The following WDR93 variants were observed in gnomAD, a reference collection of about 807,000 sequenced individuals.
WDR93 encodes the protein WD repeat domain 93, also known as WD repeat-containing protein 93.
Under a neutral mutation model 82.9 loss-of-function variants are expected in WDR93, and 73 were observed. The observed-to-expected ratio is 0.88, with a 90% CI of 0.73 to 1.07. WDR93 has a LOEUF of 1.07. Ranked by LOEUF, WDR93 falls within the 50% of genes least tolerant of loss-of-function variation. WDR93 has a pLI of 0.00. For missense variants in WDR93, 738 were observed against 826.0 expected (o/e 0.89, Z 1.31); for synonymous variants, 283 against 300.1 (o/e 0.94, Z 0.59).
At chr15:89,691,410 G>A (rs941693550) in intron 1 of WDR93, among the ~76,000 whole-genome samples, 2 of 152,178 alleles carry the variant, frequency 1.3e-5, no homozygotes, top group Non-Finnish European at 2.9e-5. Flanking sequence ...TTTATAAAAT[G>A]TACCCTCTAT....
In WDR93 at chr15:89,722,174, T is replaced by G. The variant is rs749201377; in HGVS notation, c.880+35T>G. ...ATTCAAATCTCTCTCCTTTTGCCAT[T>G]GATTTATCTGTTCTTTCTTCCTTTC... On this transcript the variant is annotated intron_variant, in intron 8 of 16. Transcript: ENST00000268130. 14 of 1,412,024 alleles carry G rather than the reference T, an allele frequency of 9.9e-6. No individual in the cohort carries two copies. The Admixed American group carries it at 1.1e-4, about 11-fold the overall frequency. 87.5% of individuals were successfully genotyped at this position (1,412,024 alleles called of 1,614,324 possible).
intron 1 of WDR93, among the ~76,000 whole-genome samples, chr15:89,697,909 T>G (rs1430569802): frequency 6.7e-6 from 1 of 148,970 alleles, no homozygotes; most frequent in Non-Finnish European, 1.5e-5. Context: ...AGACGGAGTC[T>G]CTCTCTGTCG....
intron 12 of WDR93, 43 bp from the exon 13 acceptor site, chr15:89,732,963 C>G (rs771502928): frequency 6.3e-7 from 1 of 1,597,478 alleles, no homozygotes. Context: ...GGCCTCCTCC[C>G]CTACCCCGTT....
At chr15:89,698,802 A>C (rs936719574) in intron 1 of WDR93, among the ~76,000 whole-genome samples, 1 of 152,172 alleles carries the variant, frequency 6.6e-6, no homozygotes, top group Non-Finnish European at 1.5e-5. Context: ...TTAAATAATA[A>C]GAAAAATATT....
intron 16 of WDR93, 49 bp downstream of exon 16, chr15:89,738,285 G>A: frequency 6.6e-7 from 1 of 1,514,130 alleles, no homozygotes; most frequent in African/African-American, 1.4e-5. Flanking sequence ...GGTTGTCTCT[G>A]GATTGAGGGA....
rs917492232 is a variant in WDR93 at position 89,720,506 on chromosome 15, C to T, written c.796-1549C>T. Among the ~76,000 whole-genome samples the T allele has an allele frequency of 2.6e-5, 4 of 152,038 alleles. No individual in the cohort carries two copies. In the East Asian group the frequency reaches 7.7e-4, roughly 29 times the overall value. On this transcript the variant is annotated intron_variant, in intron 7 of 16. Transcript: ENST00000268130. ...CAGGCTGGTCTTGAACTCCTGACCTCGTGATTCGCCCGCCTCGACCTCCCA... is the reference window on the plus strand; with the variant it reads ...CAGGCTGGTCTTGAACTCCTGACCTTGTGATTCGCCCGCCTCGACCTCCCA...
chr15:89,735,502 C>T lies in WDR93; in HGVS notation c.1557C>T (p.His519=). The change falls in exon 14 of 17, where the codon CAC becomes CAT. Residue 519 remains histidine, a synonymous_variant. Coordinates refer to ENST00000268130, the MANE Select transcript of WDR93 (RefSeq NM_020212.2). ...TTCTGTCCTATAGGCCTGTAAAGCA[C>T]CTGGATAAAACCATCTGTGCCGTGG... ...ISVLVERPVK[H]LDKTICAVAP... is the part of the protein sequence containing the mutation. 1 of 1,614,152 alleles carries T rather than the reference C, an allele frequency of 6.2e-7. No individual in the cohort carries two copies. The highest frequency in any genetic ancestry group is 8.5e-7 in the Non-Finnish European group (1 of 1,180,024).
At chr15:89,742,317 T>C (rs569718454) in intron 16 of WDR93, among the ~76,000 whole-genome samples, 1 of 152,136 alleles carries the variant, frequency 6.6e-6, no homozygotes, top group South Asian at 2.1e-4. Context: ...AAAGCTATGG[T>C]CATTGTCTTT....
chr15:89,720,724 T>C (rs537892047), intron 7 of WDR93, among the ~76,000 whole-genome samples: 1 of 152,332 alleles, frequency 6.6e-6, no homozygotes, highest in Non-Finnish European at 1.5e-5. Flanking sequence ...ATTTTAAGTT[T>C]ATTTAGATTT....
chr15:89,723,199 CATAA>C (rs60829285), intron 8 of WDR93, among the ~76,000 whole-genome samples: 2,657 of 143,590 alleles, frequency 0.019, 57 homozygotes, highest in African/African-American at 0.053. Context: ...GAAACCGCGT[CATAA>C]ATAAATAAAT....
chr15:89,738,142 A>G lies in WDR93; in HGVS notation c.1867A>G (p.Lys623Glu). The part of the protein sequence containing the change: ...EACPLLENIS[K>E]NCTIPQRDLD... ...CTGCCCACTCCTGGAAAATATCTCA[A>G]AAAATTGTACCATTCCTCAAAGGGA... Residue 623 changes from lysine to glutamate, a missense_variant, in exon 16 of 17, where the codon AAA becomes GAA. Lys to Glu is a moderately conservative substitution (Grantham distance 56). Coordinates refer to ENST00000268130, the MANE Select transcript of WDR93 (RefSeq NM_020212.2). 1 of 1,614,166 alleles carries G rather than the reference A, an allele frequency of 6.2e-7. No homozygotes were observed.
chr15:89,737,825 G>C, intron 15 of WDR93, 96 bp downstream of exon 15: 1 of 1,540,064 alleles, frequency 6.5e-7, no homozygotes, highest in Non-Finnish European at 8.8e-7. Flanking sequence ...TCCCCACTCT[G>C]TGTCCCCCTC....
intron 1 of WDR93, among the ~76,000 whole-genome samples, chr15:89,693,200 A>C: frequency 6.6e-6 from 1 of 152,242 alleles, no homozygotes; most frequent in East Asian, 1.9e-4. Context: ...GTGAAACATA[A>C]GTTTTAATTT....
intron 1 of WDR93, among the ~76,000 whole-genome samples, chr15:89,696,635 C>T (rs1965191439): frequency 6.6e-6 from 1 of 152,052 alleles, no homozygotes; most frequent in South Asian, 2.1e-4. Flanking sequence ...GCTAGGACTA[C>T]AGGTGCACAT....
rs1443892942 is a variant in WDR93 at position 89,737,577 on chromosome 15, T to C, written c.1613T>C (p.Leu538Pro). 1.2e-6 allele frequency: 2 copies of C among 1,614,184 alleles called. No individual in the cohort carries two copies. Among genetic ancestry groups the C allele is most frequent in the Admixed American group, 1.7e-5 (1 of 60,026 alleles). The change falls in exon 15 of 17, where the codon CTC becomes CCC. Residue 538 changes from leucine to proline, a missense_variant. By Grantham distance (98) the Leu-to-Pro change is moderately conservative (BLOSUM62 -3). Coordinates refer to ENST00000268130, the MANE Select transcript of WDR93 (RefSeq NM_020212.2). Reference sequence around the variant, plus strand: ...CACCATCTCTTTGCTTCCCAGGTGCTCATCTTTTCCAAGAATGGCTCTGTG... The same window carrying C: ...CACCATCTCTTTGCTTCCCAGGTGCCCATCTTTTCCAAGAATGGCTCTGTG... ...APVPALPGMVLIFSKNGSVCL... is the reference protein window; with the variant it reads ...APVPALPGMVPIFSKNGSVCL...
In WDR93 at chr15:89,727,245, C is replaced by T. The variant is rs1206565460; in HGVS notation, c.969C>T (p.Asp323=). The T allele has an allele frequency of 6.2e-7, 1 of 1,614,154 alleles. No homozygotes were observed. The highest frequency in any genetic ancestry group is 1.7e-5 in the Admixed American group (1 of 60,016). ...CCGGGCAGAATCATTTCATCAAGGA[C>T]AGTCAGTGGGAGCAGCAAGCTGAGA... ...LGSGQNHFIK[D]SQWEQQAEIF... Residue 323 remains aspartate (D), a synonymous_variant, in exon 9 of 17, where the codon GAC becomes GAT. Coordinates refer to ENST00000268130, the MANE Select transcript of WDR93 (RefSeq NM_020212.2).
intron 1 of WDR93, among the ~76,000 whole-genome samples, chr15:89,695,026 T>C (rs1965097514): frequency 6.6e-6 from 1 of 152,234 alleles, no homozygotes; most frequent in African/African-American, 2.4e-5. Flanking sequence ...CTATTTGATT[T>C]CATTGATCTG....
chr15:89,722,861 A>C (rs1966580157), intron 8 of WDR93, among the ~76,000 whole-genome samples: 1 of 149,696 alleles, frequency 6.7e-6, no homozygotes, highest in South Asian at 2.1e-4. Flanking sequence ...AAAAAAAAAA[A>C]CCAGAAAAAT....
intron 16 of WDR93, among the ~76,000 whole-genome samples, chr15:89,739,196 T>A (rs1472480435): frequency 6.6e-6 from 1 of 152,066 alleles, no homozygotes; most frequent in East Asian, 1.9e-4. Context: ...CTGTGGGCCA[T>A]ATCCAGTCCA....
Sources: allele counts gnomAD v4.1 joint callset (sites outside exome capture counted in the v4.1 genomes callset), GRCh38; gene constraint gnomAD v4.1.1; transcripts MANE v1.5; gene names NCBI Gene and HGNC (gene_info 2026-07-23, HGNC 2026-07-21).